Variants in HMGCLL1 observed in about 807,000 individuals in gnomAD.
HMGCLL1 encodes 3-hydroxymethyl-3-methylglutaryl-CoA lyase, cytoplasmic.
HMGCLL1 carries 36 observed loss-of-function variants against 39.1 expected under a neutral mutation model. The ratio of observed to expected loss-of-function variants is 0.92; its 90% CI spans 0.71 to 1.22. The LOEUF is 1.22. HMGCLL1 is among the 50% of genes most tolerant of loss of function. The pLI is 0.00. For missense variants in HMGCLL1, 451 were observed against 416.5 expected (o/e 1.08, Z -0.72); for synonymous variants, 149 against 144.0 (o/e 1.03, Z -0.25).
intron 5 of HMGCLL1, among the ~76,000 whole-genome samples, chr6:55,502,863 T>C (rs1392879482): frequency 6.6e-6 from 1 of 151,744 alleles, no homozygotes; most frequent in Non-Finnish European, 1.5e-5. Flanking sequence ...AGATGTTATA[T>C]CTTTTTTATT....
rs948258129 is a variant in HMGCLL1 at position 55,520,282 on chromosome 6, GA to G, written c.298-3680del. Among the ~76,000 whole-genome samples the G allele has an allele frequency of 4.2e-4, 57 of 135,646 alleles. 1 individual carries two copies. Among genetic ancestry groups the G allele is most frequent in the Non-Finnish European group, 4.2e-4 (26 of 62,222 alleles). The allele number at this position is 135,646 out of a possible 152,430, so 89.0% of individuals were successfully genotyped here. A position where few individuals can be genotyped will look rare whatever the true frequency, so the allele number is the denominator to read the frequency against. ...TAAATAAATAAATAAATAAATAAAA[GA>G]AAAAAAAGGAAAATGAACAGGGATG... On this transcript the variant is annotated intron_variant, in intron 3 of 8. Coordinates refer to ENST00000274901, the MANE Select transcript of HMGCLL1 (RefSeq NM_001042406.2).
At chr6:55,657,601 G>T in the HMGCLL1 span, among the ~76,000 whole-genome samples, 1 of 151,668 alleles carries the variant, frequency 6.6e-6, no homozygotes, top group Non-Finnish European at 1.5e-5. Context: ...CTATAGTATA[G>T]TTTGAAGTCA....
the HMGCLL1 span, among the ~76,000 whole-genome samples, chr6:55,661,098 A>G: frequency 2.6e-5 from 4 of 151,824 alleles, no homozygotes; most frequent in Non-Finnish European, 4.4e-5. Context: ...TAAGTTCCCT[A>G]TAAATGCTGG....
chr6:55,646,125 G>A, the HMGCLL1 span, among the ~76,000 whole-genome samples: 1 of 151,756 alleles, frequency 6.6e-6, no homozygotes, highest in Non-Finnish European at 1.5e-5. Flanking sequence ...ATCTTGGTAG[G>A]TTATATGTGT....
At chr6:55,475,827 G>C (rs1253584357) in intron 7 of HMGCLL1, among the ~76,000 whole-genome samples, 3 of 151,310 alleles carry the variant, frequency 2.0e-5, no homozygotes, top group Non-Finnish European at 4.4e-5. Flanking sequence ...AATTGAACTA[G>C]CACAATTTAT....
chr6:55,610,249 C>A, the HMGCLL1 span, among the ~76,000 whole-genome samples: 8 of 152,080 alleles, frequency 5.3e-5, no homozygotes, highest in East Asian at 1.4e-3. Flanking sequence ...GGTAAAGGAG[C>A]ATGTCCTAAC....
At chr6:55,518,725 C>T (rs13205251) in intron 3 of HMGCLL1, among the ~76,000 whole-genome samples, 87,807 of 151,810 alleles carry the variant, frequency 0.58, 25,663 homozygotes, top group Admixed American at 0.65. Flanking sequence ...GAACTGAGGC[C>T]CCCAGCCAAT....
the HMGCLL1 span, among the ~76,000 whole-genome samples, chr6:55,602,185 G>A: frequency 1.3e-5 from 2 of 152,026 alleles, no homozygotes; most frequent in Non-Finnish European, 2.9e-5. Context: ...AGCATAGTGG[G>A]GAGTAGAGGT....
At chr6:55,469,433 GTATA>G (rs1437102900) in intron 7 of HMGCLL1, among the ~76,000 whole-genome samples, 2 of 144,014 alleles carry the variant, frequency 1.4e-5, no homozygotes, top group African/African-American at 5.1e-5. Flanking sequence ...ACATATATAA[GTATA>G]TATACATATA....
At chr6:55,581,932 C>T (rs1381215051), upstream of HMGCLL1, among the ~76,000 whole-genome samples, 2 of 152,120 alleles carry the variant, frequency 1.3e-5, no homozygotes, top group African/African-American at 4.8e-5. Context: ...CAAAAGCATT[C>T]AATTCAACCT....
At chr6:55,634,899 AG>A in the HMGCLL1 span, among the ~76,000 whole-genome samples, 1 of 152,164 alleles carries the variant, frequency 6.6e-6, no homozygotes, top group South Asian at 2.1e-4. Context: ...TTTAAAGAAA[AG>A]GATTTCTAAA....
At chr6:55,557,209 A>G (rs1242261485) in intron 1 of HMGCLL1, among the ~76,000 whole-genome samples, 1 of 152,128 alleles carries the variant, frequency 6.6e-6, no homozygotes, top group Non-Finnish European at 1.5e-5. Flanking sequence ...TTATTCGTAT[A>G]TTTTTCCAGC....
intron 3 of HMGCLL1, 29 bp from the exon 4 acceptor site, chr6:55,516,632 G>A (rs904926851): frequency 1.5e-6 from 2 of 1,377,070 alleles, no homozygotes; most frequent in Non-Finnish European, 2.0e-6. Flanking sequence ...ATATGTAAAT[G>A]TGTAACTTCG....
At chr6:55,465,514 G>A (rs73746306) in intron 7 of HMGCLL1, among the ~76,000 whole-genome samples, 30,987 of 151,730 alleles carry the variant, frequency 0.2, 3,950 homozygotes, top group African/African-American at 0.38. Context: ...CTGAAACAGT[G>A]ATGGGTACCT....
the HMGCLL1 span, among the ~76,000 whole-genome samples, chr6:55,604,011 T>C: frequency 6.6e-6 from 1 of 152,134 alleles, no homozygotes; most frequent in Non-Finnish European, 1.5e-5. Flanking sequence ...CATAGAGAAG[T>C]AGTTTGTTGG....
chr6:55,536,877 G>A (rs1769065870), intron 3 of HMGCLL1, among the ~76,000 whole-genome samples: 1 of 152,106 alleles, frequency 6.6e-6, no homozygotes, highest in Admixed American at 6.6e-5. Flanking sequence ...AAAGAAATAA[G>A]TGATCAAGCA....
intron 1 of HMGCLL1, among the ~76,000 whole-genome samples, chr6:55,576,013 A>C (rs766028878): frequency 2.0e-4 from 31 of 152,222 alleles, no homozygotes; most frequent in Non-Finnish European, 3.8e-4. Flanking sequence ...TATTGGCCAT[A>C]AAAAATTAAC....
intron 1 of HMGCLL1, among the ~76,000 whole-genome samples, chr6:55,553,159 C>T (rs144795230): frequency 2.2e-5 from 3 of 134,136 alleles, no homozygotes; most frequent in Admixed American, 7.5e-5. Context: ...CTCTCTCTCT[C>T]TATATATATA....
chr6:55,676,620 A>G, the HMGCLL1 span, among the ~76,000 whole-genome samples: 1 of 152,204 alleles, frequency 6.6e-6, no homozygotes. Context: ...ATAGCATCCC[A>G]TGCTGAGCAT....
Sources: allele counts gnomAD v4.1 joint callset (sites outside exome capture counted in the v4.1 genomes callset), GRCh38; gene constraint gnomAD v4.1.1; transcripts MANE v1.5; gene names NCBI Gene and HGNC (gene_info 2026-07-23, HGNC 2026-07-21).